Variants in KCTD20 observed in about 807,000 individuals in gnomAD.
The protein encoded by KCTD20 is BTB/POZ domain-containing protein KCTD20.
KCTD20 carries 30 observed loss-of-function variants against 39.6 expected under a neutral mutation model. The observed-to-expected ratio is 0.76, with a 90% CI of 0.57 to 1.03. The LOEUF (loss-of-function observed/expected upper bound fraction) is 1.03, where lower values mean the gene tolerates loss of function less well. Among genes scored for constraint, KCTD20 ranks in the 50% least tolerant of loss-of-function variants. KCTD20 has a pLI of 0.00. For synonymous variants in KCTD20, 162 were observed against 180.6 expected, an observed-to-expected ratio of 0.90 and a Z score of 0.83; for missense variants, 422 against 522.0, an observed-to-expected ratio of 0.81 and a Z score of 1.87.
intron 1 of KCTD20, chr6:36,465,462 ATATCT>A (rs750553327): frequency 6.6e-6 from 1 of 151,442 alleles, no homozygotes. Flanking sequence ...ATCTAGGTAA[ATATCT>A]TGTTTTCTTC....
chr6:36,471,689 A>G (rs1229678850), intron 2 of KCTD20, among the ~76,000 whole-genome samples: 2 of 152,142 alleles, frequency 1.3e-5, no homozygotes, highest in African/African-American at 2.4e-5. Flanking sequence ...ACCATTAGGG[A>G]GAACTTGTGC....
In KCTD20 at chr6:36,481,547, A is replaced by G; in HGVS notation, c.659-15A>G. On this transcript the variant is annotated splice_polypyrimidine_tract_variant and intron_variant, in intron 5 of 7. Coordinates refer to ENST00000373731, the MANE Select transcript of KCTD20 (RefSeq NM_173562.5). ...TTAGGCAGAAAGCATGTTCACCTAC[A>G]TTTTCTCTCTGCAGGTGCTTTACTC... 1 of 1,606,332 alleles carries G rather than the reference A, an allele frequency of 6.2e-7. No homozygotes were observed. The highest frequency in any genetic ancestry group is 8.5e-7 in the Non-Finnish European group (1 of 1,172,990).
Position 36,449,085 on chromosome 6 carries a change from C to A in KCTD20, c.-47+5974C>A, listed in dbSNP as rs115220265. 3.1e-3 allele frequency among the ~76,000 whole-genome samples: 469 copies of A among 152,216 alleles called. 1 individual carries two copies. Among genetic ancestry groups the A allele is most frequent in the African/African-American group, 0.01 (424 of 41,526 alleles). On this transcript the variant is annotated intron_variant, in intron 1 of 7. Transcript: ENST00000373731. ...CAGCAGCAAGACTTATTGTGAGGAG[C>A]GAAAGAATAAAGCTTCCACAGTGTG...
intron 1 of KCTD20, among the ~76,000 whole-genome samples, chr6:36,457,171 C>T (rs1775462591): frequency 1.3e-5 from 2 of 152,086 alleles, no homozygotes; most frequent in African/African-American, 2.4e-5. Context: ...TGGGCTCAAG[C>T]AGTCCTCCCA....
intron 1 of KCTD20, among the ~76,000 whole-genome samples, chr6:36,444,037 AG>A (rs1416425546): frequency 6.6e-6 from 1 of 152,202 alleles, no homozygotes; most frequent in Non-Finnish European, 1.5e-5. Context: ...CTTCCGCTCA[AG>A]GCCCCCACCT....
intron 1 of KCTD20, among the ~76,000 whole-genome samples, chr6:36,447,608 CA>C (rs1426144493): frequency 1.3e-5 from 2 of 149,714 alleles, no homozygotes; most frequent in African/African-American, 4.9e-5. Context: ...CCAGTCTAGG[CA>C]ACAGAGCGAG....
Position 36,463,804 on chromosome 6 carries a change from CA to C in KCTD20, c.-46-6247del, listed in dbSNP as rs530753115. On this transcript the variant is annotated intron_variant, in intron 1 of 7. Coordinates refer to ENST00000373731, the MANE Select transcript of KCTD20 (RefSeq NM_173562.5). ...AAATTTCTGTTCTTTATGAATTACC[CA>C]GTCTCAGGCATTTTGTTTATAGCAG... Among the ~76,000 whole-genome samples, 506 of 152,280 alleles carry C rather than the reference CA, an allele frequency of 3.3e-3. 1 individual carries two copies. Among genetic ancestry groups the C allele is most frequent in the Non-Finnish European group, 5.2e-3 (351 of 68,024 alleles).
Position 36,487,147 on chromosome 6 carries a change from A to C in KCTD20, c.1232A>C (p.Gln411Pro). 1.2e-6 allele frequency: 2 copies of C among 1,613,868 alleles called. No homozygotes were observed. The highest frequency in any genetic ancestry group is 8.5e-7 in the Non-Finnish European group (1 of 1,179,736). ...ELDRLNAPLS[Q>P]MASNDFQD ...GACCGGCTAAATGCCCCACTTTCTC[A>C]GATGGCTTCTAACGACTTTCAGGAT... is the stretch of plus-strand genomic sequence containing the variant. Residue 411 changes from glutamine (Q) to proline (P), a missense_variant, in exon 8 of 8, where the codon CAG becomes CCG. By Grantham distance (76) the Gln-to-Pro change is moderately conservative. Coordinates refer to ENST00000373731, the MANE Select transcript of KCTD20 (RefSeq NM_173562.5).
intron 1 of KCTD20, among the ~76,000 whole-genome samples, chr6:36,450,649 T>C (rs1210308365): frequency 6.6e-6 from 1 of 152,184 alleles, no homozygotes; most frequent in African/African-American, 2.4e-5. Flanking sequence ...GAGAAGCATA[T>C]TATGCCTCTG....
intron 1 of KCTD20, among the ~76,000 whole-genome samples, chr6:36,459,089 T>A (rs1479715758): frequency 6.6e-6 from 1 of 152,146 alleles, no homozygotes; most frequent in Non-Finnish European, 1.5e-5. Flanking sequence ...GTGGATCACT[T>A]GATATCAAGG....
At chr6:36,444,835 CTT>C (rs1392042868) in intron 1 of KCTD20, among the ~76,000 whole-genome samples, 1 of 152,204 alleles carries the variant, frequency 6.6e-6, no homozygotes, top group East Asian at 1.9e-4. Context: ...AAAAGGTTCT[CTT>C]TATTCATCCA....
intron 3 of KCTD20, 24 bp downstream of exon 3, chr6:36,475,086 A>G (rs774332559): frequency 6.2e-7 from 1 of 1,602,124 alleles, no homozygotes; most frequent in Non-Finnish European, 8.5e-7. Flanking sequence ...ATTTTCTTCC[A>G]AATTCATTCT....
intron 7 of KCTD20, 139 bp from the exon 8 acceptor site, chr6:36,486,744 G>A: frequency 1.4e-6 from 1 of 713,912 alleles, no homozygotes; most frequent in Non-Finnish European, 2.4e-6. Context: ...GGGAAAGCAT[G>A]GGACAGGGAC....
chr6:36,470,358 C>A, intron 2 of KCTD20, 101 bp downstream of exon 2: 2 of 1,104,450 alleles, frequency 1.8e-6, no homozygotes, highest in Non-Finnish European at 2.6e-6. Context: ...ATAAATTATC[C>A]AATTAATTGC....
At chr6:36,453,490 T>G (rs1483671169) in intron 1 of KCTD20, among the ~76,000 whole-genome samples, 1 of 151,918 alleles carries the variant, frequency 6.6e-6, no homozygotes, top group African/African-American at 2.4e-5. Context: ...TTATTGTTTT[T>G]CATTCTTTTC....
In KCTD20 at chr6:36,470,199, C is replaced by T. The variant is rs2127444607; in HGVS notation, c.102C>T (p.Asn34=). The T allele has an allele frequency of 6.2e-7, 1 of 1,614,132 alleles. No homozygotes were observed. Among genetic ancestry groups the T allele is most frequent in the Non-Finnish European group, 8.5e-7 (1 of 1,179,990 alleles). The change falls in exon 2 of 8, where the codon AAC becomes AAT. Residue 34 remains asparagine (N), a synonymous_variant. Coordinates refer to ENST00000373731, the MANE Select transcript of KCTD20 (RefSeq NM_173562.5). The part of the protein sequence containing the change: ...TLAVAQEKEA[N]SLASSGPHNL... ...CTGTAGCCCAAGAAAAAGAAGCAAA[C>T]AGCCTGGCTTCATCTGGTCCTCATA...
At chr6:36,479,946 C>A (rs1460458792) in intron 5 of KCTD20, among the ~76,000 whole-genome samples, 2 of 152,032 alleles carry the variant, frequency 1.3e-5, no homozygotes, top group Non-Finnish European at 2.9e-5. Context: ...ATACCTGCCA[C>A]CACACCTGGC....
At chr6:36,449,637 C>T (rs958329590) in intron 1 of KCTD20, among the ~76,000 whole-genome samples, 1 of 152,198 alleles carries the variant, frequency 6.6e-6, no homozygotes, top group African/African-American at 2.4e-5. Flanking sequence ...CCCCACTCGA[C>T]CCAGGAAGTC....
At chr6:36,486,825 A>G in intron 7 of KCTD20, 58 bp from the exon 8 acceptor site, 1 of 1,371,502 alleles carries the variant, frequency 7.3e-7, no homozygotes, top group Non-Finnish European at 1.0e-6. Context: ...AGGAGAAAGT[A>G]TGGACACCAG....
Sources: allele counts gnomAD v4.1 joint callset (sites outside exome capture counted in the v4.1 genomes callset), GRCh38; gene constraint gnomAD v4.1.1; transcripts MANE v1.5; gene names NCBI Gene and HGNC (gene_info 2026-07-23, HGNC 2026-07-21).